ABCB10: variants seen among roughly 807,000 people sequenced by gnomAD.
ABCB10 encodes ATP-binding cassette sub-family B member 10, mitochondrial.
Under a neutral mutation model 65.4 loss-of-function variants are expected in ABCB10, and 54 were observed. That is an observed-to-expected ratio of 0.83 (90% confidence interval 0.66 to 1.04). The LOEUF (loss-of-function observed/expected upper bound fraction) is 1.04. Ranked by LOEUF, ABCB10 falls within the 50% of genes least tolerant of loss-of-function variation. ABCB10 has a pLI of 0.00. For missense variants in ABCB10, 846 were observed against 976.6 expected, an observed-to-expected ratio of 0.87 and a Z score of 1.78; for synonymous variants, 418 against 406.5, an observed-to-expected ratio of 1.03 and a Z score of -0.34.
intron 1 of ABCB10, among the ~76,000 whole-genome samples, chr1:229,555,094 T>C (rs1346607938): frequency 1.3e-5 from 2 of 151,896 alleles, no homozygotes; most frequent in African/African-American, 4.8e-5. Context: ...ATGTGTGCAG[T>C]CCACAGTTTA....
intron 3 of ABCB10, 39 bp from the exon 4 acceptor site, chr1:229,542,410 A>G (rs750533786): frequency 4.4e-6 from 7 of 1,597,908 alleles, no homozygotes; most frequent in Non-Finnish European, 4.3e-6. Flanking sequence ...TGTTTGTTAC[A>G]TTGGGTGGCA....
Position 229,558,665 on chromosome 1 carries a change from G to C in ABCB10, c.-13C>G. On this transcript the variant is annotated 5_prime_UTR_variant, in exon 1 of 13. Coordinates refer to ENST00000344517, the MANE Select transcript of ABCB10 (RefSeq NM_012089.3). ...GGGGGCCTCGCATGGCGCTGCGTGC[G>C]ACCCGTACGCCTCAGCCCGCCGGCC... The C allele has an allele frequency of 7.6e-7, 1 of 1,314,606 alleles. No individual in the cohort carries two copies. The highest frequency in any genetic ancestry group is 4.1e-5 in the Admixed American group (1 of 24,564). The allele number at this position is 1,314,606 out of a possible 1,614,324, so 81.4% of individuals were successfully genotyped here.
At chr1:229,541,914 A>G (rs1355788012) in intron 4 of ABCB10, among the ~76,000 whole-genome samples, 1 of 151,024 alleles carries the variant, frequency 6.6e-6, no homozygotes, top group Admixed American at 6.6e-5. Context: ...GCTCCAGCCT[A>G]GAGTGCATGA....
In ABCB10 at chr1:229,526,001, G is replaced by T; in HGVS notation, c.1841C>A (p.Ala614Asp). 1 of 1,614,196 alleles carries T rather than the reference G, an allele frequency of 6.2e-7. No individual in the cohort carries two copies. The highest frequency in any genetic ancestry group is 1.1e-5 in the South Asian group (1 of 91,078). The change falls in exon 10 of 13, where the codon GCC becomes GAC. Residue 614 changes from alanine to aspartate, a missense_variant. Around this residue, in one of 2 missense-constraint regions of ABCB10, gnomAD observed 632 missense variants for 803.2 expected, o/e 0.79. Coordinates refer to ENST00000344517, the MANE Select transcript of ABCB10 (RefSeq NM_012089.3). ...QRVAEVANAV[A>D]FIRNFPQGFN... ...CCCTTGGGGGAAATTCCGGATGAAG[G>T]CCACTGCATTGGCCACTTCAGCCAC...
chr1:229,558,603 G>T lies in ABCB10; in HGVS notation c.50C>A (p.Pro17His). The stretch of plus-strand genomic sequence containing the variant: ...CGGCAGGAGCCGACCTGGCTCGGCA[G>T]GGCTCGGTGGCTCGAGCAGCCGCAG... ...WPLRLLEPPS[P>H]AEPGRLLPVA... is the part of the protein sequence containing the mutation. Residue 17 changes from proline to histidine, a missense_variant, in exon 1 of 13, where the codon CCT becomes CAT. Pro to His is a moderately conservative substitution (Grantham distance 77). Transcript: ENST00000344517. 1.4e-6 allele frequency: 2 copies of T among 1,431,322 alleles called. No individual in the cohort carries two copies. Among genetic ancestry groups the T allele is most frequent in the Non-Finnish European group, 1.8e-6 (2 of 1,094,180 alleles). 88.7% of individuals were successfully genotyped at this position (1,431,322 alleles called of 1,614,324 possible).
chr1:229,551,373 T>C (rs925652944), intron 1 of ABCB10, among the ~76,000 whole-genome samples: 1 of 152,224 alleles, frequency 6.6e-6, no homozygotes, highest in African/African-American at 2.4e-5. Context: ...CACTTGTTTA[T>C]TTAGTTTCTC....
chr1:229,520,775 T>C (rs1662294158), intron 11 of ABCB10, among the ~76,000 whole-genome samples: 1 of 152,216 alleles, frequency 6.6e-6, no homozygotes, highest in Non-Finnish European at 1.5e-5. Flanking sequence ...ACACTCCACC[T>C]GTACTAAGTG....
In ABCB10 at chr1:229,531,705, T is replaced by A. The variant is rs1185940657; in HGVS notation, c.1366A>T (p.Met456Leu). 6.2e-7 allele frequency: 1 copy of A among 1,613,898 alleles called. No individual in the cohort carries two copies. The highest frequency in any genetic ancestry group is 2.2e-5 in the East Asian group (1 of 44,868). The stretch of plus-strand genomic sequence containing the variant: ...CGCCCCCCTGCACCCAGTCCTTTCA[T>A]CAGCTCCGAGTAGAAAGAGCTCAGA... ...GGLSSFYSELMKGLGAGGRLW... is the reference protein window; with the variant it reads ...GGLSSFYSELLKGLGAGGRLW... The change falls in exon 7 of 13, where the codon ATG (methionine) becomes TTG (leucine). Residue 456 changes from methionine (M) to leucine (L), a missense_variant. Coordinates refer to ENST00000344517, the MANE Select transcript of ABCB10 (RefSeq NM_012089.3).
intron 8 of ABCB10, among the ~76,000 whole-genome samples, chr1:229,528,097 A>C (rs575432345): frequency 1.2e-4 from 18 of 152,196 alleles, no homozygotes; most frequent in Non-Finnish European, 2.6e-4. Context: ...AAGAAATGCC[A>C]TTTCTTCTCA....
Position 229,555,124 on chromosome 1 carries a change from C to G in ABCB10, c.517+3012G>C, listed in dbSNP as rs376899037. ...AGTTTAATGAAGGCATGCTGCCCAC[C>G]CCGCCGAAGCCCCCCACACAAAAAA... On this transcript the variant is annotated intron_variant, in intron 1 of 12. Transcript: ENST00000344517. 4.6e-5 allele frequency among the ~76,000 whole-genome samples: 7 copies of G among 152,258 alleles called. No homozygotes were observed. In the East Asian group the frequency reaches 5.8e-4, roughly 13 times the overall value.
intron 3 of ABCB10, 152 bp downstream of exon 3, chr1:229,547,347 C>A: frequency 1.3e-6 from 1 of 778,496 alleles, no homozygotes; most frequent in Non-Finnish European, 2.0e-6. Context: ...GAGGCAATCC[C>A]CACGTTCCAG....
intron 8 of ABCB10, among the ~76,000 whole-genome samples, chr1:229,528,692 T>G (rs1470499900): frequency 1.4e-5 from 2 of 145,244 alleles, no homozygotes; most frequent in East Asian, 4.0e-4. Context: ...AATTACAGAA[T>G]TTTTTTTTTT....
intron 4 of ABCB10, among the ~76,000 whole-genome samples, chr1:229,540,989 G>C (rs112282639): frequency 2.5e-3 from 380 of 152,180 alleles, no homozygotes; most frequent in African/African-American, 8.9e-3. Flanking sequence ...CCTAGTTGTG[G>C]GGGAAAAAAA....
rs770019437 is a variant in ABCB10 at position 229,540,646 on chromosome 1, G to C, written c.1163C>G (p.Ala388Gly). Residue 388 changes from alanine to glycine, a missense_variant, in exon 5 of 13, where the codon GCA becomes GGA. By Grantham distance (60) the Ala-to-Gly change is moderately conservative. Around this residue, in one of 2 missense-constraint regions of ABCB10, gnomAD observed 632 missense variants for 803.2 expected, o/e 0.79. Coordinates refer to ENST00000344517, the MANE Select transcript of ABCB10 (RefSeq NM_012089.3). ...ASKVDHVMQL[A>G]RKEAFARAGF... The stretch of plus-strand genomic sequence containing the variant: ...AGCCCGGGCGAATGCCTCTTTCCTT[G>C]CTAACTGCATTACATGGTCCACTTT... The C allele has an allele frequency of 6.2e-6, 10 of 1,612,070 alleles. No homozygotes were observed. In the East Asian group the frequency reaches 2.2e-4, roughly 36 times the overall value.
chr1:229,518,807 C>T, intron 12 of ABCB10, 34 bp downstream of exon 12: 1 of 1,541,254 alleles, frequency 6.5e-7, no homozygotes, highest in Non-Finnish European at 8.8e-7. Context: ...TGGTTTAATA[C>T]ACACAATGGC....
chr1:229,525,622 C>T (rs1246841152), intron 10 of ABCB10, among the ~76,000 whole-genome samples: 1 of 152,152 alleles, frequency 6.6e-6, no homozygotes, highest in Non-Finnish European at 1.5e-5. Flanking sequence ...GGGCGGATCA[C>T]GAGGTCAGGA....
intron 10 of ABCB10, among the ~76,000 whole-genome samples, chr1:229,521,991 C>A (rs1382832391): frequency 6.7e-6 from 1 of 148,194 alleles, no homozygotes; most frequent in Non-Finnish European, 1.5e-5. Flanking sequence ...CTCAGCCTCC[C>A]AAGTAGCTGA....
chr1:229,552,567 G>A (rs1663143661), intron 1 of ABCB10, among the ~76,000 whole-genome samples: 1 of 152,206 alleles, frequency 6.6e-6, no homozygotes, highest in Non-Finnish European at 1.5e-5. Context: ...CAGATTGCTG[G>A]ACAACAGCGC....
intron 6 of ABCB10, among the ~76,000 whole-genome samples, chr1:229,533,815 C>T (rs1283562604): frequency 6.6e-6 from 1 of 152,076 alleles, no homozygotes; most frequent in Non-Finnish European, 1.5e-5. Flanking sequence ...ATGTAAAACA[C>T]AAAACAATAA....
Sources: allele counts gnomAD v4.1 joint callset (sites outside exome capture counted in the v4.1 genomes callset), GRCh38; gene constraint gnomAD v4.1.1; regional missense constraint gnomAD v4.1.1; transcripts MANE v1.5; gene names NCBI Gene and HGNC (gene_info 2026-07-23, HGNC 2026-07-21).